Variants in ANKRD17 observed in about 807,000 individuals in gnomAD.
The protein encoded by ANKRD17 is ankyrin repeat domain 17.
Under a neutral mutation model 229.7 loss-of-function variants are expected in ANKRD17, and 19 were observed. That is an observed-to-expected ratio of 0.08 (90% CI 0.06 to 0.12). The LOEUF (loss-of-function observed/expected upper bound fraction) is 0.12. Ranked by LOEUF, ANKRD17 falls within the 10% of genes least tolerant of loss-of-function variation. The pLI, the probability that ANKRD17 is intolerant of heterozygous loss-of-function variation, is 1.00. For synonymous variants in ANKRD17, 1,112 were observed against 1,146.1 expected, an observed-to-expected ratio of 0.97 and a Z score of 0.60; for missense variants, 2,176 against 3,176.8, an observed-to-expected ratio of 0.68 and a Z score of 7.57.
At chr4:73,256,440 T>C (rs1745459516) in intron 1 of ANKRD17, among the ~76,000 whole-genome samples, 1 of 152,198 alleles carries the variant, frequency 6.6e-6, no homozygotes, top group African/African-American at 2.4e-5. Flanking sequence ...AGCTGCATGA[T>C]TGTGTTACCT....
intron 2 of ANKRD17, 33 bp downstream of exon 2, chr4:73,177,347 C>T (rs777983773): frequency 1.4e-6 from 2 of 1,455,524 alleles, no homozygotes; most frequent in Admixed American, 2.2e-5. Context: ...CTTTACATAA[C>T]AAGGTAGACT....
At chr4:73,246,465 T>C (rs1420137977) in intron 1 of ANKRD17, among the ~76,000 whole-genome samples, 1 of 152,152 alleles carries the variant, frequency 6.6e-6, no homozygotes, top group Non-Finnish European at 1.5e-5. Context: ...GGACTTTGAA[T>C]TGATTCTCTT....
intron 1 of ANKRD17, among the ~76,000 whole-genome samples, chr4:73,205,595 A>G (rs1342535092): frequency 2.6e-5 from 4 of 152,210 alleles, no homozygotes; most frequent in Non-Finnish European, 4.4e-5. Flanking sequence ...TCAACTCACA[A>G]TGGATTAAAG....
intron 24 of ANKRD17, among the ~76,000 whole-genome samples, chr4:73,106,898 A>T (rs941420167): frequency 2.6e-5 from 4 of 151,520 alleles, no homozygotes; most frequent in Non-Finnish European, 4.4e-5. Context: ...AAAAAAAAAA[A>T]AAAAGCGAAA....
rs1316736914 is a variant in ANKRD17 at position 73,090,815 on chromosome 4, T to A, written c.6813A>T (p.Gly2271=). The A allele has an allele frequency of 1.9e-6, 3 of 1,614,102 alleles. No individual in the cohort carries two copies. The highest frequency in any genetic ancestry group is 4.5e-5 in the East Asian group (2 of 44,876). Residue 2271 remains glycine, a synonymous_variant, in exon 29 of 34, where the codon GGA becomes GGT. Coordinates refer to ENST00000358602, the MANE Select transcript of ANKRD17 (RefSeq NM_032217.5). Reference sequence around the variant, plus strand: ...GTGTTGACTGAGATGAAACAACAGATCCTCCCCAGAAGGCATGAGCAGAAG... The same window carrying A: ...GTGTTGACTGAGATGAAACAACAGAACCTCCCCAGAAGGCATGAGCAGAAG... The part of the protein sequence containing the change: ...SPTSAHAFWG[G]SVVSSQSTPE...
At chr4:73,222,924 T>G in intron 1 of ANKRD17, 1 of 1,384,164 alleles carries the variant, frequency 7.2e-7, no homozygotes, top group Admixed American at 2.0e-5. Flanking sequence ...GCAGATAAGA[T>G]TTCTTTGTTC....
Position 73,097,178 on chromosome 4 carries a change from T to G in ANKRD17, c.5116A>C (p.Thr1706Pro). ...TGCCCACGCTTAGGACTTGCTACTG[T>G]TAACTTCCCATTTGGAGAAGAAAGG... is the stretch of plus-strand genomic sequence containing the variant. ...SPLSSPNGKL[T>P]VASPKRGQKR... The change falls in exon 27 of 34, where the codon ACA (threonine) becomes CCA (proline). Residue 1706 changes from threonine to proline, a missense_variant. Physicochemically the swap from Thr to Pro is conservative, Grantham distance 38. This residue lies in a region of ANKRD17 where 98 missense variants were observed against 101.0 expected (regional missense o/e 0.97). Transcript: ENST00000358602. The G allele has an allele frequency of 6.2e-7, 1 of 1,612,664 alleles. No individual in the cohort carries two copies. The highest frequency in any genetic ancestry group is 8.5e-7 in the Non-Finnish European group (1 of 1,179,492).
intron 2 of ANKRD17, among the ~76,000 whole-genome samples, chr4:73,170,854 C>T (rs567137454): frequency 6.6e-6 from 1 of 152,084 alleles, no homozygotes; most frequent in Admixed American, 6.5e-5. Context: ...AGATACAGTA[C>T]AATAGACCCT....
intron 2 of ANKRD17, among the ~76,000 whole-genome samples, chr4:73,174,455 T>C (rs1229386542): frequency 6.6e-6 from 1 of 152,188 alleles, no homozygotes; most frequent in African/African-American, 2.4e-5. Flanking sequence ...AAGCCATCTA[T>C]GACAAACCAA....
At chr4:73,204,445 C>T (rs1188535903) in intron 1 of ANKRD17, among the ~76,000 whole-genome samples, 1 of 150,320 alleles carries the variant, frequency 6.7e-6, no homozygotes, top group Non-Finnish European at 1.5e-5. Context: ...TAAAAATATG[C>T]TTCAAAAATA....
chr4:73,199,234 T>C (rs1479899476), intron 1 of ANKRD17, among the ~76,000 whole-genome samples: 1 of 150,636 alleles, frequency 6.6e-6, no homozygotes, highest in African/African-American at 2.4e-5. Flanking sequence ...TGTGTGTGTG[T>C]GTGTGTGTGT....
chr4:73,169,695 T>C (rs939844732), intron 2 of ANKRD17, among the ~76,000 whole-genome samples: 4 of 152,114 alleles, frequency 2.6e-5, no homozygotes, highest in African/African-American at 4.8e-5. Flanking sequence ...CAGTTTTGAA[T>C]TGCCAATGAC....
intron 24 of ANKRD17, 93 bp from the exon 25 acceptor site, chr4:73,102,640 T>C: frequency 2.1e-6 from 3 of 1,426,438 alleles, no homozygotes; most frequent in South Asian, 1.3e-5. Context: ...GAAACCATGA[T>C]ATCATAAAAT....
Position 73,091,025 on chromosome 4 carries a change from T to G in ANKRD17, c.6603A>C (p.Ala2201=). ...NSASVQNSSV[A]VLSVNHIKRP... The stretch of plus-strand genomic sequence containing the variant: ...TTTTAATGTGATTGACACTGAGGAC[T>G]GCAACAGATGAATTTTGCACTGAAG... The change falls in exon 29 of 34, where the codon GCA becomes GCC. Residue 2201 remains alanine, a synonymous_variant. Coordinates refer to ENST00000358602, the MANE Select transcript of ANKRD17 (RefSeq NM_032217.5). The G allele has an allele frequency of 1.9e-6, 3 of 1,614,204 alleles. No homozygotes were observed. The highest frequency in any genetic ancestry group is 2.5e-6 in the Non-Finnish European group (3 of 1,180,036).
intron 1 of ANKRD17, among the ~76,000 whole-genome samples, chr4:73,217,462 G>C (rs1199285927): frequency 6.6e-6 from 1 of 151,974 alleles, no homozygotes; most frequent in Non-Finnish European, 1.5e-5. Flanking sequence ...AAATATACAG[G>C]TTGATCATCC....
Position 73,090,770 on chromosome 4 carries a change from T to G in ANKRD17, c.6858A>C (p.Gly2286=). The G allele has an allele frequency of 1.2e-6, 2 of 1,614,190 alleles. No homozygotes were observed. The highest frequency in any genetic ancestry group is 1.7e-6 in the Non-Finnish European group (2 of 1,180,034). Reference sequence around the variant, plus strand: ...CTGAATTTGGCAAATATGAGGATTTTCCTGATAGCATAGATTCTGGTGTTG... The same window carrying G: ...CTGAATTTGGCAAATATGAGGATTTGCCTGATAGCATAGATTCTGGTGTTG... ...SQSTPESMLS[G]KSSYLPNSDP... Residue 2286 remains glycine, a synonymous_variant, in exon 29 of 34, where the codon GGA becomes GGC. Coordinates refer to ENST00000358602, the MANE Select transcript of ANKRD17 (RefSeq NM_032217.5).
At chr4:73,242,121 G>A (rs975165926) in intron 1 of ANKRD17, among the ~76,000 whole-genome samples, 1 of 151,994 alleles carries the variant, frequency 6.6e-6, no homozygotes, top group Non-Finnish European at 1.5e-5. Context: ...CAACATTTTG[G>A]GGGTGGTTCA....
chr4:73,177,302 T>C, intron 2 of ANKRD17, 78 bp downstream of exon 2: 2 of 1,316,528 alleles, frequency 1.5e-6, no homozygotes, highest in African/African-American at 3.0e-5. Flanking sequence ...ATATCATTCA[T>C]TTTTAACAAG....
At chr4:73,158,416 TAAATAAGCTCCAACCTCC>T (rs1732059638) in intron 3 of ANKRD17, among the ~76,000 whole-genome samples, 1 of 152,224 alleles carries the variant, frequency 6.6e-6, no homozygotes, top group African/African-American at 2.4e-5. Context: ...TCAAATATGC[TAAATAAGCTCCAACCTCC>T]AAATATTTGC....
Sources: gnomAD v4.1 joint callset for allele counts (sites outside exome capture counted in the v4.1 genomes callset) on GRCh38, gnomAD v4.1.1 for gene constraint, gnomAD v4.1.1 regional missense constraint, MANE v1.5 for transcripts, NCBI Gene and HGNC (gene_info 2026-07-23, HGNC 2026-07-21) for gene names.